Variants in SLC25A26 observed in about 807,000 individuals in gnomAD.
SLC25A26 encodes mitochondrial S-adenosylmethionine carrier protein.
Under a neutral mutation model 37.8 loss-of-function variants are expected in SLC25A26, and 36 were observed. The ratio of observed to expected loss-of-function variants is 0.95; its 90% CI spans 0.73 to 1.26. SLC25A26 has a LOEUF of 1.26. SLC25A26 is among the 50% of genes most tolerant of loss of function. The pLI, the probability that SLC25A26 is intolerant of heterozygous loss-of-function variation, is 0.00. For synonymous variants in SLC25A26, 129 were observed against 122.5 expected, an observed-to-expected ratio of 1.05 and a Z score of -0.35; for missense variants, 390 against 331.1, an observed-to-expected ratio of 1.18 and a Z score of -1.38.
At chr3:66,349,781 G>C (rs1175908343) in intron 6 of SLC25A26, among the ~76,000 whole-genome samples, 1 of 152,104 alleles carries the variant, frequency 6.6e-6, no homozygotes, top group Non-Finnish European at 1.5e-5. Context: ...AAACTGTCAA[G>C]GTGTTTTCCA....
chr3:66,312,783 T>C (rs2075419218), intron 5 of SLC25A26, among the ~76,000 whole-genome samples: 1 of 152,100 alleles, frequency 6.6e-6, no homozygotes, highest in African/African-American at 2.4e-5. Flanking sequence ...GCTTCTCGGG[T>C]GAGGCAACAC....
intron 1 of SLC25A26, among the ~76,000 whole-genome samples, chr3:66,154,156 A>G (rs1000236463): frequency 1.3e-5 from 2 of 152,112 alleles, no homozygotes; most frequent in African/African-American, 4.8e-5. Flanking sequence ...CAATTTGGGT[A>G]TGAGACCGCA....
chr3:66,135,705 G>A (rs1430019723), intron 1 of SLC25A26, among the ~76,000 whole-genome samples: 1 of 152,106 alleles, frequency 6.6e-6, no homozygotes, highest in Non-Finnish European at 1.5e-5. Flanking sequence ...GGAGGTTGAG[G>A]CTTCAGTGAG....
In SLC25A26 at chr3:66,316,624, C is replaced by T. The variant is rs529416561; in HGVS notation, c.454-29740C>T. 5.9e-5 allele frequency among the ~76,000 whole-genome samples: 9 copies of T among 152,082 alleles called. No homozygotes were observed. In the South Asian group the frequency reaches 1.9e-3, roughly 32 times the overall value. On this transcript the variant is annotated intron_variant, in intron 5 of 9. Transcript: ENST00000354883. ...GTTGATATTCTCATGGAGTTATCTT[C>T]CTGGGGTTCTCTGGAGTTCCTGAAT...
chr3:66,257,887 T>C lies in SLC25A26; in HGVS notation c.301-4164T>C, dbSNP rs540046262. ...CTATGGAAGCAATACCGGTGAACTC[T>C]GTAAACCTTCATATGTGCGCTGCTC... On this transcript the variant is annotated intron_variant, in intron 3 of 9. Transcript: ENST00000354883. Among the ~76,000 whole-genome samples, 3 of 152,288 alleles carry C rather than the reference T, an allele frequency of 2.0e-5. No homozygotes were observed. The East Asian group carries it at 5.8e-4, about 29-fold the overall frequency.
intron 3 of SLC25A26, among the ~76,000 whole-genome samples, chr3:66,257,667 C>T (rs1182696779): frequency 6.6e-6 from 1 of 152,182 alleles, no homozygotes; most frequent in African/African-American, 2.4e-5. Flanking sequence ...CTTTCTCTTG[C>T]TGATAGCACT....
At chr3:66,311,851 C>T (rs534037956) in intron 5 of SLC25A26, among the ~76,000 whole-genome samples, 1 of 152,222 alleles carries the variant, frequency 6.6e-6, no homozygotes, top group Admixed American at 6.5e-5. Context: ...GCTGCCTGCT[C>T]CTTCCTCTGA....
At chr3:66,283,931 A>G (rs2074426741) in intron 5 of SLC25A26, among the ~76,000 whole-genome samples, 1 of 152,164 alleles carries the variant, frequency 6.6e-6, no homozygotes, top group Non-Finnish European at 1.5e-5. Flanking sequence ...AAATTTGTTG[A>G]CCGTTTTGAA....
chr3:66,296,820 G>A (rs2074917139), intron 5 of SLC25A26, among the ~76,000 whole-genome samples: 1 of 152,180 alleles, frequency 6.6e-6, no homozygotes, highest in Non-Finnish European at 1.5e-5. Flanking sequence ...GGCATAAAAT[G>A]GATTGCAGAT....
At chr3:66,146,399 T>A (rs903670093) in intron 1 of SLC25A26, among the ~76,000 whole-genome samples, 1 of 151,906 alleles carries the variant, frequency 6.6e-6, no homozygotes, top group African/African-American at 2.4e-5. Context: ...TAAAAAAACC[T>A]GTGTGTATAT....
intron 1 of SLC25A26, among the ~76,000 whole-genome samples, chr3:66,136,439 G>A (rs532824390): frequency 1.3e-5 from 2 of 152,188 alleles, no homozygotes; most frequent in Non-Finnish European, 2.9e-5. Context: ...GAAGTTTGGA[G>A]AAAAACAGGG....
At chr3:66,222,694 G>C (rs544965985) in intron 1 of SLC25A26, among the ~76,000 whole-genome samples, 3 of 152,310 alleles carry the variant, frequency 2.0e-5, no homozygotes, top group Admixed American at 6.5e-5. Context: ...ACACAAGTGA[G>C]ATCCATTTCG....
intron 7 of SLC25A26, 164 bp downstream of exon 7, chr3:66,363,093 A>C (rs1307136845): frequency 1.3e-5 from 2 of 159,638 alleles, no homozygotes; most frequent in Admixed American, 6.5e-5. Flanking sequence ...AAAAAAAAAA[A>C]AAAACTGCTA....
rs114738143 is a variant in SLC25A26 at position 66,151,374 on chromosome 3, T to C, written c.-354+17390T>C. Reference sequence around the variant, plus strand: ...GTGGGGGAGATAAGAACAAAAGGCATTGGGAGCCCAGCTCAGGTTGTGTCT... The same window carrying C: ...GTGGGGGAGATAAGAACAAAAGGCACTGGGAGCCCAGCTCAGGTTGTGTCT... On this transcript the variant is annotated intron_variant, in intron 1 of 10. Coordinates refer to the SLC25A26 transcript ENST00000676754. Among the ~76,000 whole-genome samples the C allele has an allele frequency of 3.8e-3, 585 of 152,214 alleles. 6 individuals carry two copies. Among genetic ancestry groups the C allele is most frequent in the African/African-American group, 0.013 (556 of 41,524 alleles).
intron 1 of SLC25A26, among the ~76,000 whole-genome samples, chr3:66,184,873 G>A (rs983299494): frequency 8.5e-4 from 130 of 152,056 alleles, no homozygotes; most frequent in Non-Finnish European, 1.5e-3. Flanking sequence ...GATCCTGACC[G>A]TCAACCTGAC....
intron 2 of SLC25A26, 143 bp downstream of exon 2, chr3:66,236,843 T>TTTTA: frequency 1.6e-6 from 1 of 610,606 alleles, no homozygotes; most frequent in East Asian, 3.1e-5. Context: ...CATTATTATT[T>TTTTA]TTTATTTATT....
chr3:66,143,949 T>A (rs1419169806), intron 1 of SLC25A26, among the ~76,000 whole-genome samples: 1 of 152,114 alleles, frequency 6.6e-6, no homozygotes, highest in Non-Finnish European at 1.5e-5. Context: ...TCCTTCTAAG[T>A]AGGCACAGTG....
intron 1 of SLC25A26, among the ~76,000 whole-genome samples, chr3:66,142,629 A>G (rs1336831329): frequency 6.6e-6 from 1 of 152,190 alleles, no homozygotes; most frequent in Non-Finnish European, 1.5e-5. Flanking sequence ...CTTTTGTCCA[A>G]TGGTACTGCT....
intron 5 of SLC25A26, among the ~76,000 whole-genome samples, chr3:66,268,536 C>T (rs182260716): frequency 2.0e-5 from 3 of 152,182 alleles, no homozygotes; most frequent in Non-Finnish European, 4.4e-5. Context: ...TTTGAAACTT[C>T]CCCCAAATTC....
Sources: gnomAD v4.1 joint callset for allele counts (sites outside exome capture counted in the v4.1 genomes callset) on GRCh38, gnomAD v4.1.1 for gene constraint, MANE v1.5 for transcripts, NCBI Gene and HGNC (gene_info 2026-07-23, HGNC 2026-07-21) for gene names.